TJP2: variants seen among roughly 807,000 people sequenced by gnomAD.
The protein encoded by TJP2 is tight junction protein 2, also known as Friedreich ataxia region gene X104 (tight junction protein ZO-2).
In TJP2, 91 loss-of-function variants were observed where a neutral mutation model predicts 133.1. The observed-to-expected ratio is 0.68, with a 90% CI of 0.58 to 0.81. The LOEUF is 0.81. TJP2 is among the 40% of genes least tolerant of loss of function. The pLI is 0.00. For missense variants in TJP2, 1,541 were observed against 1,565.6 expected (o/e 0.98, Z 0.26); for synonymous variants, 592 against 583.4 (o/e 1.01, Z -0.21).
At chr9:69,215,992 C>CG (rs1194104230) in intron 2 of TJP2, among the ~76,000 whole-genome samples, 1 of 152,152 alleles carries the variant, frequency 6.6e-6, no homozygotes, top group African/African-American at 2.4e-5. Flanking sequence ...CCAGCTCGGG[C>CG]CAGCATGATG....
intron 1 of TJP2, among the ~76,000 whole-genome samples, chr9:69,134,931 G>GA: frequency 1.3e-5 from 2 of 151,814 alleles, no homozygotes; most frequent in East Asian, 3.9e-4. Flanking sequence ...TGGAGAGAGA[G>GA]GGAGAAGAGA....
At chr9:69,158,327 CAAAAAAA>C (rs1156502519) in intron 2 of TJP2, among the ~76,000 whole-genome samples, 1 of 52,768 alleles carries the variant, frequency 1.9e-5, no homozygotes, top group African/African-American at 7.6e-5. Flanking sequence ...GACTTTGCCT[CAAAAAAA>C]AAAAAAAAAA....
chr9:69,155,114 A>C (rs1383163310), intron 2 of TJP2, among the ~76,000 whole-genome samples: 1 of 150,112 alleles, frequency 6.7e-6, no homozygotes, highest in African/African-American at 2.5e-5. Flanking sequence ...GCTACTCAGG[A>C]GGCTGAGGCA....
intron 1 of TJP2, among the ~76,000 whole-genome samples, chr9:69,194,848 G>A (rs10869993): frequency 0.38 from 57,728 of 152,058 alleles, 11,227 homozygotes; most frequent in South Asian, 0.44. Context: ...GGTTGGCTAC[G>A]TAATACCCAA....
At chr9:69,160,732 A>G (rs1185096542) in intron 2 of TJP2, among the ~76,000 whole-genome samples, 1 of 152,204 alleles carries the variant, frequency 6.6e-6, no homozygotes, top group Non-Finnish European at 1.5e-5. Flanking sequence ...ACAGTTCCAC[A>G]TGGCTGGGGA....
chr9:69,133,893 T>C (rs1822608657), intron 1 of TJP2, among the ~76,000 whole-genome samples: 1 of 152,130 alleles, frequency 6.6e-6, no homozygotes, highest in Admixed American at 6.6e-5. Flanking sequence ...TTTACCTGGA[T>C]GCCCCAGATT....
At chr9:69,202,407 C>T (rs993113028) in intron 1 of TJP2, among the ~76,000 whole-genome samples, 1 of 152,128 alleles carries the variant, frequency 6.6e-6, no homozygotes, top group Non-Finnish European at 1.5e-5. Flanking sequence ...TACATTCAAA[C>T]CTTAGCAGGT....
chr9:69,136,803 C>T (rs1215698505), intron 1 of TJP2, among the ~76,000 whole-genome samples: 2 of 152,110 alleles, frequency 1.3e-5, no homozygotes, highest in African/African-American at 4.8e-5. Context: ...TTCACTCAGG[C>T]TTCCTGGAGA....
At chr9:69,225,449 G>A (rs759826940) in intron 6 of TJP2, 42 bp downstream of exon 6, 15 of 1,311,690 alleles carry the variant, frequency 1.1e-5, no homozygotes, top group East Asian at 6.9e-5. Flanking sequence ...GCATACTGCC[G>A]TTCATCGCCT....
At chr9:69,180,620 G>A (rs2132984391) in intron 1 of TJP2, among the ~76,000 whole-genome samples, 1 of 152,330 alleles carries the variant, frequency 6.6e-6, no homozygotes, top group South Asian at 2.1e-4. Context: ...TGTAGGCTTC[G>A]AGAGACAATC....
At chr9:69,215,128 A>G (rs1434086723) in intron 2 of TJP2, among the ~76,000 whole-genome samples, 5 of 152,162 alleles carry the variant, frequency 3.3e-5, no homozygotes, top group Non-Finnish European at 7.3e-5. Context: ...GTACACACAG[A>G]CACAAGGACA....
At chr9:69,239,833 C>G (rs1830462367) in intron 16 of TJP2, 104 bp from the exon 17 acceptor site, 51 of 999,212 alleles carry the variant, frequency 5.1e-5, no homozygotes, top group Non-Finnish European at 7.9e-5. Context: ...AACAAACAAA[C>G]AAACAAGATA....
At chr9:69,143,755 T>G (rs188617911) in intron 1 of TJP2, among the ~76,000 whole-genome samples, 83 of 152,332 alleles carry the variant, frequency 5.4e-4, no homozygotes, top group Non-Finnish European at 1.1e-3. Flanking sequence ...CTTCATCTAT[T>G]CAGTCCTCTC....
intron 1 of TJP2, among the ~76,000 whole-genome samples, chr9:69,201,432 C>G (rs1826983163): frequency 6.6e-6 from 1 of 151,576 alleles, no homozygotes; most frequent in East Asian, 1.9e-4. Flanking sequence ...CCCTTCTCCC[C>G]ACCCCGCTAA....
At chr9:69,172,258 C>T (rs1824731106), upstream of TJP2, among the ~76,000 whole-genome samples, 1 of 152,194 alleles carries the variant, frequency 6.6e-6, no homozygotes, top group African/African-American at 2.4e-5. Context: ...TTTCTAACAA[C>T]CATTTACTGA....
chr9:69,139,354 T>C (rs886229668), intron 1 of TJP2, among the ~76,000 whole-genome samples: 3 of 152,126 alleles, frequency 2.0e-5, no homozygotes, highest in Non-Finnish European at 2.9e-5. Flanking sequence ...GGAGATGCGG[T>C]GTTTATAGAG....
chr9:69,216,247 T>C, intron 2 of TJP2, 92 bp from the exon 3 acceptor site: 1 of 1,493,810 alleles, frequency 6.7e-7, no homozygotes, highest in Middle Eastern at 1.7e-4. Context: ...TCTCTGGTTA[T>C]TGATTTGACC....
chr9:69,213,003 C>T (rs73450856), intron 2 of TJP2, among the ~76,000 whole-genome samples: 719 of 46,198 alleles, frequency 0.016, 12 homozygotes, highest in African/African-American at 0.032. Flanking sequence ...ATCCAAGAGA[C>T]TGTAAGTCAT....
chr9:69,182,221 G>A (rs1338420878), intron 1 of TJP2, among the ~76,000 whole-genome samples: 1 of 152,222 alleles, frequency 6.6e-6, no homozygotes, highest in Non-Finnish European at 1.5e-5. Flanking sequence ...CTCAGGCAGA[G>A]CACTTTGCCT....
Sources: gnomAD v4.1 joint callset for allele counts (sites outside exome capture counted in the v4.1 genomes callset) on GRCh38, gnomAD v4.1.1 for gene constraint, MANE v1.5 for transcripts, NCBI Gene and HGNC (gene_info 2026-07-23, HGNC 2026-07-21) for gene names.